DNAH14: variants seen among roughly 807,000 people sequenced by gnomAD.
DNAH14 encodes the protein axonemal beta dynein heavy chain 14.
A neutral mutation model predicts 520.9 loss-of-function variants in DNAH14; 478 were observed. The ratio of observed to expected loss-of-function variants is 0.92; its 90% CI spans 0.85 to 0.99. The LOEUF (loss-of-function observed/expected upper bound fraction) is 0.99. DNAH14 is among the 50% of genes least tolerant of loss of function. DNAH14 has a pLI of 0.00. For missense variants in DNAH14, 4,831 were observed against 5,234.5 expected (o/e 0.92, Z 2.38); for synonymous variants, 1,581 against 1,757.2 (o/e 0.90, Z 2.51).
At chr1:224,960,038 TA>T in intron 3 of DNAH14, 114 bp from the exon 4 acceptor site, 1 of 1,025,764 alleles carries the variant, frequency 9.7e-7, no homozygotes. Flanking sequence ...TGCTCTTAAC[TA>T]CCATGCTATA....
chr1:225,080,451 G>A lies in DNAH14; in HGVS notation c.2839G>A (p.Gly947Arg). Residue 947 changes from glycine (G) to arginine (R), a missense_variant, in exon 19 of 86, where the codon GGG becomes AGG. By Grantham distance (125) the Gly-to-Arg change is moderately radical. Transcript: ENST00000682510. ...TAMEMIQTLSGEAASLTNKAK... is the reference protein window; with the variant it reads ...TAMEMIQTLSREAASLTNKAK... ...AATGGAAATGATCCAGACTCTCTCA[G>A]GGGAAGCTGCAAGTTTAACTAACAA... 6.4e-7 allele frequency: 1 copy of A among 1,551,684 alleles called. No homozygotes were observed. The highest frequency in any genetic ancestry group is 8.7e-7 in the Non-Finnish European group (1 of 1,146,976).
intron 6 of DNAH14, among the ~76,000 whole-genome samples, chr1:224,968,245 A>G (rs746340019): frequency 3.3e-5 from 5 of 152,120 alleles, no homozygotes; most frequent in South Asian, 2.1e-4. Flanking sequence ...AAAAATATGT[A>G]TACTTTTCTC....
At chr1:225,238,520 C>T (rs978421422) in intron 42 of DNAH14, among the ~76,000 whole-genome samples, 3 of 152,164 alleles carry the variant, frequency 2.0e-5, no homozygotes, top group Non-Finnish European at 4.4e-5. Flanking sequence ...GGATACTGAC[C>T]TGTTTCCGGC....
intron 11 of DNAH14, among the ~76,000 whole-genome samples, chr1:225,035,814 G>A (rs1388183946): frequency 1.3e-5 from 2 of 152,096 alleles, no homozygotes; most frequent in Non-Finnish European, 2.9e-5. Flanking sequence ...CTAGTCATTG[G>A]ATGAAATGTT....
chr1:225,003,050 A>G (rs2063884400), intron 9 of DNAH14, 123 bp downstream of exon 9: 2 of 869,212 alleles, frequency 2.3e-6, no homozygotes, highest in Admixed American at 3.6e-5. Context: ...TTCGATTACT[A>G]CCGTTCTAAA....
chr1:225,145,242 A>T, intron 29 of DNAH14, 84 bp from the exon 30 acceptor site: 1 of 1,114,730 alleles, frequency 9.0e-7, no homozygotes, highest in Non-Finnish European at 1.3e-6. Context: ...AAAAGCATAA[A>T]GACATTTTAT....
chr1:224,965,618 T>C (rs1412553525), intron 5 of DNAH14, among the ~76,000 whole-genome samples: 1 of 152,118 alleles, frequency 6.6e-6, no homozygotes, highest in Non-Finnish European at 1.5e-5. Context: ...AAATCATCTT[T>C]TAATCATTTT....
intron 42 of DNAH14, among the ~76,000 whole-genome samples, chr1:225,231,411 T>C (rs1299841329): frequency 1.3e-5 from 2 of 152,186 alleles, no homozygotes; most frequent in African/African-American, 4.8e-5. Flanking sequence ...AGGAATAAAA[T>C]TGAAATGAAT....
intron 43 of DNAH14, among the ~76,000 whole-genome samples, chr1:225,243,357 C>A (rs2092084404): frequency 6.6e-6 from 1 of 150,908 alleles, no homozygotes; most frequent in Non-Finnish European, 1.5e-5. Flanking sequence ...TATAAAACCA[C>A]CAAAGTAGAA....
In DNAH14 at chr1:224,980,130, G is replaced by A. The variant is rs559621874; in HGVS notation, c.830+5977G>A. 1.2e-4 allele frequency among the ~76,000 whole-genome samples: 19 copies of A among 152,294 alleles called. No individual in the cohort carries two copies. In the South Asian group the frequency reaches 1.4e-3, roughly 12 times the overall value. ...CAGAGGGAAAAGTAAAGGGGATTTT[G>A]TCTTGCACCTTAGGTACTATCTTGG... is the stretch of plus-strand genomic sequence containing the variant. On this transcript the variant is annotated intron_variant, in intron 8 of 85. Transcript: ENST00000682510.
intron 80 of DNAH14, among the ~76,000 whole-genome samples, chr1:225,380,939 C>T (rs946833652): frequency 1.3e-5 from 2 of 152,140 alleles, no homozygotes; most frequent in African/African-American, 2.4e-5. Flanking sequence ...AATTAGGGCT[C>T]GCAGGCCAAA....
intron 43 of DNAH14, among the ~76,000 whole-genome samples, chr1:225,244,517 C>G (rs2092159276): frequency 6.6e-6 from 1 of 152,046 alleles, no homozygotes; most frequent in African/African-American, 2.4e-5. Context: ...TTAATTATTG[C>G]CTCAATTTCA....
intron 38 of DNAH14, among the ~76,000 whole-genome samples, chr1:225,195,263 G>A (rs1476248858): frequency 2.0e-5 from 3 of 152,084 alleles, no homozygotes; most frequent in African/African-American, 7.2e-5. Context: ...TAACCTAGAT[G>A]CCCATCAATG....
intron 69 of DNAH14, among the ~76,000 whole-genome samples, chr1:225,343,354 C>T (rs1293114932): frequency 6.6e-6 from 1 of 152,090 alleles, no homozygotes. Context: ...TAAGACCTTA[C>T]GAGACTTTAC....
At position 225,118,463 on chromosome 1, in the gene DNAH14, C is replaced by T. The variant is rs148502978; in HGVS notation, c.4091+464C>T. Among the ~76,000 whole-genome samples the T allele has an allele frequency of 2.1e-3, 319 of 152,292 alleles. 1 individual carries two copies. Among genetic ancestry groups the T allele is most frequent in the African/African-American group, 7.3e-3 (305 of 41,562 alleles). Reference sequence around the variant, plus strand: ...CCTTCCATTACACTGGTTCAATTTGCCAGCCCCAGCAAGGGCTCTCTAACC... The same window carrying T: ...CCTTCCATTACACTGGTTCAATTTGTCAGCCCCAGCAAGGGCTCTCTAACC... On this transcript the variant is annotated intron_variant, in intron 25 of 85. Transcript: ENST00000682510.
At chr1:225,251,133 C>G (rs1451788719) in intron 43 of DNAH14, among the ~76,000 whole-genome samples, 1 of 151,720 alleles carries the variant, frequency 6.6e-6, no homozygotes, top group Non-Finnish European at 1.5e-5. Flanking sequence ...AGATTATACA[C>G]TAAAATGGAT....
intron 76 of DNAH14, among the ~76,000 whole-genome samples, 154 bp downstream of exon 76, chr1:225,365,048 G>T (rs1317256062): frequency 6.6e-6 from 1 of 152,012 alleles, no homozygotes; most frequent in Admixed American, 6.5e-5. Context: ...CCTATACTGG[G>T]GATGAGGAAG....
At chr1:225,178,288 C>T (rs2083552589) in intron 36 of DNAH14, among the ~76,000 whole-genome samples, 1 of 152,160 alleles carries the variant, frequency 6.6e-6, no homozygotes, top group South Asian at 2.1e-4. Flanking sequence ...ATTTACAGTT[C>T]CACATAGCTG....
intron 23 of DNAH14, among the ~76,000 whole-genome samples, chr1:225,109,604 G>T (rs1199492630): frequency 1.3e-5 from 2 of 151,926 alleles, no homozygotes; most frequent in Non-Finnish European, 2.9e-5. Flanking sequence ...TAGTTTTTTG[G>T]TGGAGTCTTT....
Sources: allele counts gnomAD v4.1 joint callset (sites outside exome capture counted in the v4.1 genomes callset), GRCh38; gene constraint gnomAD v4.1.1; transcripts MANE v1.5; gene names NCBI Gene and HGNC (gene_info 2026-07-23, HGNC 2026-07-21).